The following METAP1D variants were observed in gnomAD, a reference collection of about 807,000 sequenced individuals.
METAP1D encodes methionyl aminopeptidase type 1D, mitochondrial, also known as methionine aminopeptidase 1D, mitochondrial.
METAP1D carries 31 observed loss-of-function variants against 40.5 expected under a neutral mutation model. That is an observed-to-expected ratio of 0.77 (90% CI 0.58 to 1.03). The LOEUF is 1.03. Among genes scored for constraint, METAP1D ranks in the 50% least tolerant of loss-of-function variants. METAP1D has a pLI of 0.00. For missense variants in METAP1D, 411 were observed against 420.7 expected (o/e 0.98, Z 0.20); for synonymous variants, 151 against 146.4 (o/e 1.03, Z -0.22).
At chr2:172,067,619 T>C (rs1423575538) in intron 5 of METAP1D, among the ~76,000 whole-genome samples, 5 of 152,226 alleles carry the variant, frequency 3.3e-5, no homozygotes, top group Admixed American at 1.3e-4. Flanking sequence ...TTACATCTAT[T>C]TTCTCATCTA....
At chr2:172,041,314 C>G (rs1468627105) in intron 1 of METAP1D, among the ~76,000 whole-genome samples, 2 of 144,208 alleles carry the variant, frequency 1.4e-5, no homozygotes, top group Non-Finnish European at 3.1e-5. Context: ...CAAAAATTAG[C>G]TGGGCGTGGT....
rs1233028316 is a variant in METAP1D at position 172,081,534 on chromosome 2, T to C, written c.*1128T>C. The stretch of plus-strand genomic sequence containing the variant: ...CCACGCTCTGTCTGCCAAGGGCCAT[T>C]CCTGCCCGGAGCACCCTCCTTTCCC... On this transcript the variant is annotated 3_prime_UTR_variant, in exon 10 of 10. Coordinates refer to ENST00000315796, the MANE Select transcript of METAP1D (RefSeq NM_199227.3). 1 of 152,274 alleles carries C rather than the reference T, an allele frequency of 6.6e-6. No individual in the cohort carries two copies. Among genetic ancestry groups the C allele is most frequent in the Non-Finnish European group, 1.5e-5 (1 of 68,072 alleles). 9.4% of individuals were successfully genotyped at this position (152,274 alleles called of 1,614,324 possible).
In METAP1D at chr2:172,080,610, G is replaced by A. The variant is rs762194220; in HGVS notation, c.*204G>A. On this transcript the variant is annotated 3_prime_UTR_variant, in exon 10 of 10. Transcript: ENST00000315796. ...GCCCTGCTGGGGTCGCGCGGCTTTG[G>A]AAAAACAAATCCTGGCCCTGGACTC... 5 of 620,286 alleles carry A rather than the reference G, an allele frequency of 8.1e-6. No individual in the cohort carries two copies. Among genetic ancestry groups the A allele is most frequent in the Non-Finnish European group, 1.4e-5 (5 of 354,226 alleles). 38.4% of individuals were successfully genotyped at this position (620,286 alleles called of 1,614,324 possible). A position where few individuals can be genotyped will look rare whatever the true frequency, so the allele number is the denominator to read the frequency against.
intron 6 of METAP1D, among the ~76,000 whole-genome samples, chr2:172,073,803 C>T (rs1435494319): frequency 6.6e-6 from 1 of 152,018 alleles, no homozygotes; most frequent in African/African-American, 2.4e-5. Context: ...GGTTTACAAA[C>T]ATCTTTCAAC....
At chr2:172,052,960 G>A (rs770215139) in intron 1 of METAP1D, among the ~76,000 whole-genome samples, 3 of 152,164 alleles carry the variant, frequency 2.0e-5, no homozygotes, top group East Asian at 1.9e-4. Context: ...TATTTCTCAT[G>A]AAATGTGAGC....
Position 172,066,254 on chromosome 2 carries a change from T to G in METAP1D, c.498-10T>G. The G allele has an allele frequency of 6.2e-7, 1 of 1,609,662 alleles. No individual in the cohort carries two copies. The highest frequency in any genetic ancestry group is 2.2e-5 in the East Asian group (1 of 44,866). On this transcript the variant is annotated splice_polypyrimidine_tract_variant and intron_variant, in intron 4 of 9. Coordinates refer to ENST00000315796, the MANE Select transcript of METAP1D (RefSeq NM_199227.3). ...GTCTATCACCATTTTTTTTTCTGTT[T>G]ACGTTTTAGTCGACCTCTTCAGGAT...
At chr2:172,036,842 C>T (rs1278446703) in intron 1 of METAP1D, among the ~76,000 whole-genome samples, 2 of 152,170 alleles carry the variant, frequency 1.3e-5, no homozygotes, top group Non-Finnish European at 2.9e-5. Context: ...CTTGTTTTCC[C>T]ACATCTTCAA....
chr2:172,034,705 T>C (rs1215347000), intron 1 of METAP1D, among the ~76,000 whole-genome samples: 2 of 152,230 alleles, frequency 1.3e-5, no homozygotes, highest in Non-Finnish European at 2.9e-5. Context: ...AATATAATTA[T>C]GTATCCAACA....
chr2:172,056,418 G>A (rs1024758765), intron 1 of METAP1D, among the ~76,000 whole-genome samples: 1 of 152,216 alleles, frequency 6.6e-6, no homozygotes, highest in East Asian at 1.9e-4. Flanking sequence ...TCTGTCCAAT[G>A]CTGTGCCACT....
chr2:172,010,748 GT>G (rs375241055), intron 1 of METAP1D, among the ~76,000 whole-genome samples: 109 of 120,244 alleles, frequency 9.1e-4, no homozygotes, highest in East Asian at 9.9e-4. Flanking sequence ...CCTGCCCAAT[GT>G]TTTTTTTTTT....
At chr2:172,006,041 G>A (rs945321914) in intron 1 of METAP1D, among the ~76,000 whole-genome samples, 6 of 151,638 alleles carry the variant, frequency 4.0e-5, no homozygotes, top group African/African-American at 7.3e-5. Flanking sequence ...CATTATTATG[G>A]AAAAGCAAGT....
At chr2:172,033,590 A>C (rs534243868) in intron 1 of METAP1D, among the ~76,000 whole-genome samples, 2 of 152,140 alleles carry the variant, frequency 1.3e-5, no homozygotes, top group East Asian at 3.9e-4. Flanking sequence ...TCCTGACCTC[A>C]AGTGATGTGC....
rs1301759743 is a variant in METAP1D, at chr2:172,081,933, TTC to T, written c.*1532_*1533del. 1 of 152,264 alleles carries T rather than the reference TTC, an allele frequency of 6.6e-6. No individual in the cohort carries two copies. The highest frequency in any genetic ancestry group is 1.5e-5 in the Non-Finnish European group (1 of 68,156). 9.4% of individuals were successfully genotyped at this position (152,264 alleles called of 1,614,324 possible). ...GTTCCAGCTTTTACCTAACACAGGG[TTC>T]TCTCGTCGTCCCCCAACCCCTCCAG... On this transcript the variant is annotated 3_prime_UTR_variant, in exon 10 of 10. Coordinates refer to ENST00000315796, the MANE Select transcript of METAP1D (RefSeq NM_199227.3).
At chr2:172,037,546 A>G (rs149860230) in intron 1 of METAP1D, among the ~76,000 whole-genome samples, 47 of 152,340 alleles carry the variant, frequency 3.1e-4, no homozygotes, top group African/African-American at 9.6e-4. Context: ...CTCTTAAGAC[A>G]TGTAAACTCA....
intron 1 of METAP1D, among the ~76,000 whole-genome samples, chr2:172,008,597 T>C (rs1688642033): frequency 6.6e-6 from 1 of 152,238 alleles, no homozygotes; most frequent in Non-Finnish European, 1.5e-5. Context: ...TAAGGTTTAA[T>C]TTATAAATTA....
intron 1 of METAP1D, among the ~76,000 whole-genome samples, chr2:172,021,113 C>G (rs902621311): frequency 2.6e-5 from 4 of 152,152 alleles, no homozygotes; most frequent in Non-Finnish European, 5.9e-5. Context: ...ATCCTATACT[C>G]TAAAACCTCT....
chr2:172,010,142 CTTTT>C (rs570964028), intron 1 of METAP1D, among the ~76,000 whole-genome samples: 5 of 134,332 alleles, frequency 3.7e-5, no homozygotes, highest in Admixed American at 7.5e-5. Flanking sequence ...TTTGTCCCTT[CTTTT>C]TTTTTTTTTT....
rs1690739205 is a variant in METAP1D at position 172,082,355 on chromosome 2, G to T, written c.*1949G>T. On this transcript the variant is annotated 3_prime_UTR_variant, in exon 10 of 10. Transcript: ENST00000315796. ...TAACCACTGAGGTAACACGCTGCTT[G>T]TGCAGCAATTATTTTGAGGTGGAGG... 6.6e-6 allele frequency: 1 copy of T among 152,234 alleles called. No homozygotes were observed. The highest frequency in any genetic ancestry group is 2.4e-5 in the African/African-American group (1 of 41,458). The allele number at this position is 152,234 out of a possible 1,614,324, so 9.4% of individuals were successfully genotyped here. A position where few individuals can be genotyped will look rare whatever the true frequency, so the allele number is the denominator to read the frequency against.
At chr2:172,005,541 TATATC>T (rs1305095440) in intron 1 of METAP1D, among the ~76,000 whole-genome samples, 7 of 116,986 alleles carry the variant, frequency 6.0e-5, no homozygotes, top group Admixed American at 1.8e-4. Flanking sequence ...TATATATATA[TATATC>T]TTTTTTTTTT....
Sources: gnomAD v4.1 joint callset for allele counts (sites outside exome capture counted in the v4.1 genomes callset) on GRCh38, gnomAD v4.1.1 for gene constraint, MANE v1.5 for transcripts, NCBI Gene and HGNC (gene_info 2026-07-23, HGNC 2026-07-21) for gene names.